The following GPR137B variants were observed in gnomAD, a reference collection of about 807,000 sequenced individuals.
The protein encoded by GPR137B is integral membrane protein GPR137B.
Under a neutral mutation model 42.5 loss-of-function variants are expected in GPR137B, and 42 were observed. The observed-to-expected ratio is 0.99, with a 90% confidence interval of 0.77 to 1.28. The LOEUF (loss-of-function observed/expected upper bound fraction) is 1.28. Among genes scored for constraint, GPR137B ranks in the 50% most tolerant of loss-of-function variants. GPR137B has a pLI of 0.00. For missense variants in GPR137B, 487 were observed against 493.9 expected (o/e 0.99, Z 0.13); for synonymous variants, 218 against 209.7 (o/e 1.04, Z -0.34).
At chr1:236,157,693 A>T (rs1296338979) in intron 1 of GPR137B, among the ~76,000 whole-genome samples, 1 of 152,222 alleles carries the variant, frequency 6.6e-6, no homozygotes, top group Non-Finnish European at 1.5e-5. Flanking sequence ...ACCTGCATGT[A>T]CAAAGAGTTG....
chr1:236,143,686 G>A (rs1445980700), intron 1 of GPR137B, among the ~76,000 whole-genome samples: 1 of 152,104 alleles, frequency 6.6e-6, no homozygotes, highest in Non-Finnish European at 1.5e-5. Context: ...CATCTGAGAG[G>A]CCCCAAGAAA....
At chr1:236,143,373 C>T (rs1661589520) in intron 1 of GPR137B, among the ~76,000 whole-genome samples, 1 of 152,254 alleles carries the variant, frequency 6.6e-6, no homozygotes, top group African/African-American at 2.4e-5. Context: ...CCAGTTAGTA[C>T]GGATGGAAGG....
At chr1:236,151,604 A>G (rs1309672621) in intron 1 of GPR137B, among the ~76,000 whole-genome samples, 1 of 151,702 alleles carries the variant, frequency 6.6e-6, no homozygotes, top group African/African-American at 2.4e-5. Context: ...TTGTATTTTT[A>G]GTAGAGACGG....
intron 2 of GPR137B, among the ~76,000 whole-genome samples, chr1:236,172,248 A>G (rs1448233371): frequency 6.6e-6 from 1 of 152,234 alleles, no homozygotes; most frequent in Non-Finnish European, 1.5e-5. Context: ...ACCAGATGCC[A>G]CTAGAGACAT....
intron 1 of GPR137B, among the ~76,000 whole-genome samples, chr1:236,151,999 G>A (rs959774316): frequency 6.6e-6 from 1 of 152,124 alleles, no homozygotes; most frequent in South Asian, 2.1e-4. Flanking sequence ...CAACCTTGGC[G>A]TGCCGTGAGC....
rs1662436693 is a variant in GPR137B at position 236,168,717 on chromosome 1, A to G, written c.426A>G (p.Lys142=). ...MNLYFTQVIF[K]AKSKYSPELL... is the part of the protein sequence containing the mutation. ...TTCTGTCGTTGCAGGTGATTTTCAA[A>G]GCCAAGTCAAAATATTCTCCAGAAT... Residue 142 remains lysine, a synonymous_variant, in exon 2 of 7, where the codon AAA becomes AAG. Transcript: ENST00000366592. The G allele has an allele frequency of 6.2e-7, 1 of 1,612,880 alleles. No homozygotes were observed. The highest frequency in any genetic ancestry group is 8.5e-7 in the Non-Finnish European group (1 of 1,178,860).
At position 236,182,042 on chromosome 1, in the gene GPR137B, G is replaced by A. The variant is rs573984003; in HGVS notation, c.838-1736G>A. Among the ~76,000 whole-genome samples the A allele has an allele frequency of 2.9e-3, 441 of 151,972 alleles. 2 individuals carry two copies. Among genetic ancestry groups the A allele is most frequent in the Non-Finnish European group, 4.8e-3 (323 of 67,954 alleles). On this transcript the variant is annotated intron_variant, in intron 4 of 6. Transcript: ENST00000366592. ...TGAGTAGCTGGGAATACAGGCAAGC[G>A]CCACCATGCCGGCTAATTTTTTTGT... is the stretch of plus-strand genomic sequence containing the variant.
chr1:236,144,557 AAAAATGGG>A lies in GPR137B; in HGVS notation c.414+1522_414+1529del, dbSNP rs1661630242. On this transcript the variant is annotated intron_variant, in intron 1 of 6. Transcript: ENST00000366592. Reference sequence around the variant, plus strand: ...TATTTTGTAGATAGTATAATCTTTTAAAAATGGGTCTACACTCAGACTTCTTGTAAGTC... The same window carrying A: ...TATTTTGTAGATAGTATAATCTTTTATCTACACTCAGACTTCTTGTAAGTC... 4.6e-5 allele frequency among the ~76,000 whole-genome samples: 7 copies of A among 152,398 alleles called. No homozygotes were observed. In the East Asian group the frequency reaches 7.7e-4, roughly 17 times the overall value.
chr1:236,189,114 T>A (rs1663116011), intron 5 of GPR137B, among the ~76,000 whole-genome samples: 1 of 152,218 alleles, frequency 6.6e-6, no homozygotes. Context: ...CATAGATGTG[T>A]TTATAGTATT....
chr1:236,197,289 C>T (rs1054676272), intron 5 of GPR137B, among the ~76,000 whole-genome samples: 13 of 152,028 alleles, frequency 8.6e-5, no homozygotes, highest in African/African-American at 2.9e-4. Flanking sequence ...GATATTAGTC[C>T]ATTGCTGGAT....
intron 2 of GPR137B, among the ~76,000 whole-genome samples, chr1:236,176,014 A>C (rs1323326063): frequency 6.6e-6 from 1 of 152,160 alleles, no homozygotes; most frequent in Admixed American, 6.5e-5. Flanking sequence ...ACATGAAGCA[A>C]AGAGTGTGTC....
chr1:236,177,793 C>T (rs1283036281), intron 2 of GPR137B, among the ~76,000 whole-genome samples: 3 of 151,866 alleles, frequency 2.0e-5, no homozygotes, highest in African/African-American at 7.3e-5. Context: ...TGACCTCAAG[C>T]TATCCACCTG....
chr1:236,170,196 A>T (rs1662493849), intron 2 of GPR137B, among the ~76,000 whole-genome samples: 1 of 152,182 alleles, frequency 6.6e-6, no homozygotes, highest in East Asian at 1.9e-4. Flanking sequence ...AACATTTCTG[A>T]AAAGGTGACT....
intron 2 of GPR137B, among the ~76,000 whole-genome samples, chr1:236,175,022 C>A (rs981060038): frequency 6.6e-6 from 1 of 152,010 alleles, no homozygotes; most frequent in Non-Finnish European, 1.5e-5. Context: ...CAGAAACAAG[C>A]ATATTTTCTG....
intron 5 of GPR137B, among the ~76,000 whole-genome samples, chr1:236,202,607 A>G (rs531124876): frequency 6.6e-6 from 1 of 151,796 alleles, no homozygotes; most frequent in Non-Finnish European, 1.5e-5. Context: ...TCTTCCCCTC[A>G]AAGTATTTAT....
chr1:236,204,064 T>G (rs2102927068), intron 5 of GPR137B, among the ~76,000 whole-genome samples: 1 of 152,298 alleles, frequency 6.6e-6, no homozygotes, highest in South Asian at 2.1e-4. Flanking sequence ...ATATATGGCT[T>G]GTATTATGTT....
At chr1:236,172,204 T>C (rs953483268) in intron 2 of GPR137B, among the ~76,000 whole-genome samples, 1 of 152,230 alleles carries the variant, frequency 6.6e-6, no homozygotes, top group African/African-American at 2.4e-5. Context: ...GGCACATCTT[T>C]AGTCTCATCT....
chr1:236,143,674 C>G (rs546168815), intron 1 of GPR137B, among the ~76,000 whole-genome samples: 1 of 152,168 alleles, frequency 6.6e-6, no homozygotes, highest in Non-Finnish European at 1.5e-5. Flanking sequence ...ACTGTCTGAG[C>G]TCATCTGAGA....
chr1:236,197,580 A>T lies in GPR137B; in HGVS notation c.967-7546A>T, dbSNP rs566632543. 1.1e-3 allele frequency among the ~76,000 whole-genome samples: 175 copies of T among 152,240 alleles called. 2 individuals carry two copies. Among genetic ancestry groups the T allele is most frequent in the African/African-American group, 3.8e-3 (156 of 41,542 alleles). The stretch of plus-strand genomic sequence containing the variant: ...TTTTTGTATACGGTGAGAGATGAGG[A>T]TCCAGCTTCATTGTTCTACATGTGG... On this transcript the variant is annotated intron_variant, in intron 5 of 6. Transcript: ENST00000366592.
Sources: gnomAD v4.1 joint callset for allele counts (sites outside exome capture counted in the v4.1 genomes callset) on GRCh38, gnomAD v4.1.1 for gene constraint, MANE v1.5 for transcripts, NCBI Gene and HGNC (gene_info 2026-07-23, HGNC 2026-07-21) for gene names.